Variants in PPP2R2C observed in about 807,000 individuals in gnomAD.
PPP2R2C encodes protein phosphatase 2 regulatory subunit Bgamma, also known as protein phosphatase 2, regulatory subunit B, gamma.
In PPP2R2C, 10 loss-of-function variants were observed where a neutral mutation model predicts 45.3. The observed-to-expected ratio is 0.22, with a 90% CI of 0.14 to 0.37. PPP2R2C has a LOEUF of 0.37. PPP2R2C is among the 10% of genes least tolerant of loss of function. The pLI is 1.00. For missense variants in PPP2R2C, 308 were observed against 619.7 expected (o/e 0.50, Z 5.34); for synonymous variants, 257 against 245.4 (o/e 1.05, Z -0.44).
At chr4:6,336,685 C>T (rs1577076439) in intron 6 of PPP2R2C, among the ~76,000 whole-genome samples, 2 of 39,282 alleles carry the variant, frequency 5.1e-5, no homozygotes, top group Non-Finnish European at 1.0e-4. Flanking sequence ...CCCTCCCTCC[C>T]TCCCTGCTTC....
chr4:6,494,198 A>T (rs1375020429), intron 2 of PPP2R2C, among the ~76,000 whole-genome samples: 1 of 152,174 alleles, frequency 6.6e-6, no homozygotes, highest in Non-Finnish European at 1.5e-5. Flanking sequence ...TCAGCCCTAC[A>T]GCCAGGGGGC....
chr4:6,393,551 G>C (rs1256870943), intron 1 of PPP2R2C, among the ~76,000 whole-genome samples: 2 of 152,212 alleles, frequency 1.3e-5, no homozygotes, highest in Non-Finnish European at 2.9e-5. Context: ...ATGAGCCTAC[G>C]AATGCCCCCA....
intron 1 of PPP2R2C, among the ~76,000 whole-genome samples, chr4:6,554,477 CTG>C (rs1209246160): frequency 1.3e-5 from 2 of 152,202 alleles, no homozygotes; most frequent in Non-Finnish European, 2.9e-5. Context: ...TCAAGCCACT[CTG>C]TGTGTAGTGC....
chr4:6,548,776 A>G (rs1326177225), intron 1 of PPP2R2C, among the ~76,000 whole-genome samples: 1 of 152,174 alleles, frequency 6.6e-6, no homozygotes, highest in African/African-American at 2.4e-5. Context: ...GCCTTGGTTC[A>G]GTGGGAGAGG....
chr4:6,356,252 C>T (rs910596894), intron 5 of PPP2R2C, among the ~76,000 whole-genome samples: 4 of 152,188 alleles, frequency 2.6e-5, no homozygotes, highest in African/African-American at 4.8e-5. Flanking sequence ...TAGTACCTGT[C>T]GCAGCTAACA....
intron 1 of PPP2R2C, among the ~76,000 whole-genome samples, chr4:6,542,693 ACT>A (rs1298892177): frequency 6.6e-6 from 1 of 150,758 alleles, no homozygotes. Context: ...ACAGAGCAAG[ACT>A]CTGTCTCAAA....
intron 2 of PPP2R2C, among the ~76,000 whole-genome samples, chr4:6,521,910 C>T (rs1183174294): frequency 6.6e-6 from 1 of 152,216 alleles, no homozygotes; most frequent in Non-Finnish European, 1.5e-5. Context: ...GAGCCACCCA[C>T]TAAACCTGCC....
intron 1 of PPP2R2C, among the ~76,000 whole-genome samples, chr4:6,448,493 A>G (rs561801869): frequency 6.6e-6 from 1 of 152,154 alleles, no homozygotes; most frequent in South Asian, 2.1e-4. Context: ...GCTCCCAGGC[A>G]GACCCTCGAG....
At chr4:6,525,972 G>A (rs1052267628) in intron 2 of PPP2R2C, among the ~76,000 whole-genome samples, 5 of 152,184 alleles carry the variant, frequency 3.3e-5, no homozygotes, top group Non-Finnish European at 5.9e-5. Flanking sequence ...AAAGTGCTGG[G>A]ATTACAGCAC....
intron 1 of PPP2R2C, among the ~76,000 whole-genome samples, chr4:6,562,655 A>G (rs897941206): frequency 6.6e-6 from 1 of 152,172 alleles, no homozygotes. Flanking sequence ...TACCCCCCAT[A>G]GGCCTCTTCT....
chr4:6,338,832 C>A (rs1733207443), intron 6 of PPP2R2C, among the ~76,000 whole-genome samples: 1 of 152,176 alleles, frequency 6.6e-6, no homozygotes, highest in Admixed American at 6.5e-5. Flanking sequence ...CCGCCATGTG[C>A]TGGGCAGAGA....
intron 2 of PPP2R2C, 76 bp downstream of exon 2, chr4:6,380,921 C>A (rs1460877500): frequency 3.6e-5 from 52 of 1,451,088 alleles, no homozygotes; most frequent in Non-Finnish European, 4.4e-5. Context: ...ATCCTTATCC[C>A]CTCCCACCAT....
rs577829745 is a variant in PPP2R2C, at chr4:6,471,333, A to C, written c.70+827T>G. On this transcript the variant is annotated intron_variant, in intron 1 of 8. Coordinates refer to ENST00000382599, the MANE Select transcript of PPP2R2C (RefSeq NM_020416.4). This position sits in a 1 kb window ranked among gnomAD's most constrained non-coding sequence, Gnocchi z 5.6. Reference sequence around the variant, plus strand: ...CTCCGCGGGCCCTGCCTGCGCACGGAAGCTGTCCCCACTGTTCCCCTAGCG... The same window carrying C: ...CTCCGCGGGCCCTGCCTGCGCACGGCAGCTGTCCCCACTGTTCCCCTAGCG... 1.3e-5 allele frequency among the ~76,000 whole-genome samples: 2 copies of C among 152,112 alleles called. No homozygotes were observed. Among genetic ancestry groups the C allele is most frequent in the South Asian group, 4.2e-4 (2 of 4,816 alleles).
intron 5 of PPP2R2C, among the ~76,000 whole-genome samples, chr4:6,353,489 A>G (rs1339073880): frequency 3.8e-4 from 7 of 18,244 alleles, no homozygotes; most frequent in African/African-American, 1.6e-3. Context: ...CCCCCACACC[A>G]ACAACCCCCC....
At chr4:6,442,250 C>A (rs1409854649) in intron 1 of PPP2R2C, among the ~76,000 whole-genome samples, 2 of 152,236 alleles carry the variant, frequency 1.3e-5, no homozygotes, top group Non-Finnish European at 2.9e-5. Context: ...CTATCTGCAC[C>A]CCCAGCAGCA....
chr4:6,366,964 G>A (rs114890750), intron 5 of PPP2R2C, among the ~76,000 whole-genome samples: 1,892 of 152,188 alleles, frequency 0.012, 46 homozygotes, highest in African/African-American at 0.043. Flanking sequence ...CAGCTGTGCA[G>A]AAGGCTCTGG....
intron 1 of PPP2R2C, chr4:6,382,652 CTCTCTCTCTCTCTCTCTCTCTCT>C (rs1560501439): frequency 3.4e-6 from 1 of 294,222 alleles, no homozygotes; most frequent in Non-Finnish European, 6.4e-6. Context: ...CTCTCTCTCT[CTCTCTCTCTCTCTCTCTCTCTCT>C]CACACACACA....
chr4:6,430,520 C>T (rs1719554755), intron 1 of PPP2R2C, among the ~76,000 whole-genome samples: 2 of 152,200 alleles, frequency 1.3e-5, no homozygotes, highest in South Asian at 4.1e-4. Context: ...AAGCCTCAGA[C>T]CCTCAGAGGA....
chr4:6,380,987 G>C lies in PPP2R2C; in HGVS notation c.168+10C>G. On this transcript the variant is annotated intron_variant, in intron 2 of 8. Coordinates refer to ENST00000382599, the MANE Select transcript of PPP2R2C (RefSeq NM_020416.4). The stretch of plus-strand genomic sequence containing the variant: ...CCCTCCCACCTCCCACCAGACCCAG[G>C]GCTTCGCACCTCTGGTTCCCGCTGG... 6.6e-7 allele frequency: 1 copy of C among 1,514,430 alleles called. No homozygotes were observed. Among genetic ancestry groups the C allele is most frequent in the Non-Finnish European group, 8.9e-7 (1 of 1,126,830 alleles). 93.8% of individuals were successfully genotyped at this position (1,514,430 alleles called of 1,614,324 possible).
Sources: gnomAD v4.1 joint callset for allele counts (sites outside exome capture counted in the v4.1 genomes callset) on GRCh38, gnomAD v4.1.1 for gene constraint, Gnocchi (gnomAD v3.1) non-coding constraint, MANE v1.5 for transcripts, NCBI Gene and HGNC (gene_info 2026-07-23, HGNC 2026-07-21) for gene names.